CDKL2: variants seen among roughly 807,000 people sequenced by gnomAD.
CDKL2 encodes cyclin-dependent kinase-like 2.
In CDKL2, 64 loss-of-function variants were observed where a neutral mutation model predicts 63.9. That is an observed-to-expected ratio of 1.00 (90% CI 0.82 to 1.23). CDKL2 has a LOEUF of 1.23. Ranked by LOEUF, CDKL2 falls within the 50% of genes most tolerant of loss-of-function variation. The pLI, the probability that CDKL2 is intolerant of heterozygous loss-of-function variation, is 0.00. For missense variants in CDKL2, 656 were observed against 668.0 expected (o/e 0.98, Z 0.20); for synonymous variants, 211 against 229.2 (o/e 0.92, Z 0.72).
rs182036591 is a variant in CDKL2, at chr4:75,594,650, G to A, written c.1416+1597C>T. ...GAGAAGGCATCGAACATAAAGGGAG[G>A]CATAATGAGTTACAAGACTTCACAG... On this transcript the variant is annotated intron_variant, in intron 10 of 13. Transcript: ENST00000307465. 1.6e-4 allele frequency among the ~76,000 whole-genome samples: 25 copies of A among 152,130 alleles called. No individual in the cohort carries two copies. The East Asian group carries it at 3.9e-3, about 24-fold the overall frequency.
intron 1 of CDKL2, among the ~76,000 whole-genome samples, chr4:75,626,382 C>G (rs1730406469): frequency 6.6e-6 from 1 of 152,182 alleles, no homozygotes; most frequent in South Asian, 2.1e-4. Context: ...AAGCACAATT[C>G]CAGACCGGGC....
chr4:75,626,160 G>C (rs1286430097), intron 1 of CDKL2, 143 bp from the exon 2 acceptor site: 1 of 598,352 alleles, frequency 1.7e-6, no homozygotes, highest in African/African-American at 1.9e-5. Flanking sequence ...ATTTCCTAGT[G>C]TTTCTACATG....
intron 8 of CDKL2, among the ~76,000 whole-genome samples, chr4:75,597,590 G>A (rs1227132541): frequency 6.6e-6 from 1 of 152,070 alleles, no homozygotes; most frequent in Non-Finnish European, 1.5e-5. Flanking sequence ...TCTTCTTTTG[G>A]TGTACTTGAT....
chr4:75,593,656 T>G (rs1221973965), intron 10 of CDKL2, among the ~76,000 whole-genome samples: 3 of 152,212 alleles, frequency 2.0e-5, no homozygotes, highest in Non-Finnish European at 4.4e-5. Flanking sequence ...AAAGCCTTCC[T>G]GATTAAAATA....
intron 12 of CDKL2, among the ~76,000 whole-genome samples, chr4:75,585,081 G>A (rs1728416914): frequency 1.3e-5 from 2 of 152,036 alleles, no homozygotes; most frequent in African/African-American, 4.8e-5. Flanking sequence ...AACAGATAGG[G>A]TGAAAGTAAA....
At chr4:75,624,131 CAAA>C (rs35798736) in intron 2 of CDKL2, among the ~76,000 whole-genome samples, 44 of 118,402 alleles carry the variant, frequency 3.7e-4, no homozygotes, top group Admixed American at 4.4e-4. Flanking sequence ...AACTCCATCT[CAAA>C]AAAAAAAAAA....
intron 2 of CDKL2, among the ~76,000 whole-genome samples, chr4:75,623,373 T>C (rs1223844369): frequency 7.9e-5 from 12 of 152,138 alleles, no homozygotes; most frequent in Admixed American, 7.9e-4. Context: ...ATCTTACCTA[T>C]ATAGGAGAAC....
intron 2 of CDKL2, among the ~76,000 whole-genome samples, chr4:75,617,865 T>C (rs1215084413): frequency 6.6e-6 from 1 of 152,026 alleles, no homozygotes; most frequent in African/African-American, 2.4e-5. Flanking sequence ...CACTTTGGGA[T>C]GCCAAGGCGG....
Position 75,625,998 on chromosome 4 carries a change from A to G in CDKL2, c.-10T>C, listed in dbSNP as rs1444036002. The G allele has an allele frequency of 6.2e-7, 1 of 1,605,026 alleles. No individual in the cohort carries two copies. The highest frequency in any genetic ancestry group is 8.5e-7 in the Non-Finnish European group (1 of 1,178,178). The stretch of plus-strand genomic sequence containing the variant: ...TTTCATATTTTTCCATTTTAATTTA[A>G]AGTCCGTAGAAACTTTTTGCTGTGA... On this transcript the variant is annotated 5_prime_UTR_variant, in exon 2 of 14. Transcript: ENST00000307465.
At chr4:75,595,191 C>T (rs908822354) in intron 10 of CDKL2, among the ~76,000 whole-genome samples, 2 of 145,636 alleles carry the variant, frequency 1.4e-5, no homozygotes, top group African/African-American at 2.5e-5. Context: ...TAAATAGAAT[C>T]GTTTCTTTCT....
At chr4:75,603,727 A>G in intron 6 of CDKL2, 90 bp downstream of exon 6, 2 of 789,240 alleles carry the variant, frequency 2.5e-6, no homozygotes, top group Non-Finnish European at 3.8e-6. Context: ...AAAAAAAAAA[A>G]AGATCAACTA....
At chr4:75,626,508 T>C (rs1730420317) in intron 1 of CDKL2, among the ~76,000 whole-genome samples, 1 of 151,922 alleles carries the variant, frequency 6.6e-6, no homozygotes, top group Admixed American at 6.6e-5. Context: ...CTACTAAAAA[T>C]ACAGAAAAAT....
intron 3 of CDKL2, among the ~76,000 whole-genome samples, chr4:75,611,469 A>G (rs1729689169): frequency 6.6e-6 from 1 of 151,598 alleles, no homozygotes; most frequent in South Asian, 2.1e-4. Context: ...AAAAAAAAAA[A>G]AAAAAAAAAA....
intron 2 of CDKL2, among the ~76,000 whole-genome samples, chr4:75,616,537 C>T (rs1453974884): frequency 6.6e-6 from 1 of 151,460 alleles, no homozygotes; most frequent in East Asian, 1.9e-4. Context: ...TGGTGGCATG[C>T]CTGGCCACCA....
At chr4:75,607,979 A>ATTTTT (rs1217127325) in intron 3 of CDKL2, among the ~76,000 whole-genome samples, 1 of 149,692 alleles carries the variant, frequency 6.7e-6, no homozygotes, top group African/African-American at 2.5e-5. Context: ...CGCCCGGCTA[A>ATTTTT]TTTTTTGTAT....
chr4:75,583,767 T>C (rs1728355649), intron 12 of CDKL2, among the ~76,000 whole-genome samples: 2 of 152,036 alleles, frequency 1.3e-5, no homozygotes. Flanking sequence ...AGGGGTACAA[T>C]GTAGACTACG....
intron 6 of CDKL2, among the ~76,000 whole-genome samples, chr4:75,602,895 G>A (rs1353556664): frequency 2.6e-5 from 4 of 151,480 alleles, no homozygotes; most frequent in African/African-American, 7.3e-5. Context: ...AATGTTAAAC[G>A]TAAAAATCAT....
chr4:75,596,371 T>G (rs1728935713), intron 9 of CDKL2, 31 bp from the exon 10 acceptor site: 9 of 1,332,598 alleles, frequency 6.8e-6, no homozygotes, highest in Non-Finnish European at 9.7e-6. Context: ...GTTTTTAAGT[T>G]AGAACCAGCA....
At chr4:75,622,457 A>G (rs551503729) in intron 2 of CDKL2, among the ~76,000 whole-genome samples, 140 of 152,212 alleles carry the variant, frequency 9.2e-4, no homozygotes, top group Non-Finnish European at 1.5e-3. Context: ...CTGGTGGCTC[A>G]TGCCTGTAAT....
Sources: allele counts gnomAD v4.1 joint callset (sites outside exome capture counted in the v4.1 genomes callset), GRCh38; gene constraint gnomAD v4.1.1; transcripts MANE v1.5; gene names NCBI Gene and HGNC (gene_info 2026-07-23, HGNC 2026-07-21).